Variants in ZNF804B observed in about 807,000 individuals in gnomAD.
The protein encoded by ZNF804B is zinc finger protein 804B.
In ZNF804B, 80 loss-of-function variants were observed where a neutral mutation model predicts 101.4. The observed-to-expected ratio is 0.79, with a 90% confidence interval of 0.66 to 0.95. The LOEUF (loss-of-function observed/expected upper bound fraction) is 0.95. ZNF804B is among the 40% of genes least tolerant of loss of function. The pLI, the probability that ZNF804B is intolerant of heterozygous loss-of-function variation, is 0.00. For synonymous variants in ZNF804B, 622 were observed against 558.8 expected (o/e 1.11, Z -1.59); for missense variants, 1,673 against 1,561.9 (o/e 1.07, Z -1.20).
chr7:89,076,714 A>G (rs1055494862), intron 1 of ZNF804B, among the ~76,000 whole-genome samples: 31 of 152,226 alleles, frequency 2.0e-4, no homozygotes, highest in Admixed American at 1.3e-4. Flanking sequence ...AAAATATTGT[A>G]GCTAGTAGAG....
At chr7:88,921,790 T>C (rs1475358836) in intron 1 of ZNF804B, among the ~76,000 whole-genome samples, 1 of 152,088 alleles carries the variant, frequency 6.6e-6, no homozygotes, top group African/African-American at 2.4e-5. Flanking sequence ...AAAATGTATA[T>C]GTTTAGGAAT....
chr7:89,163,259 G>T (rs1305741656), intron 1 of ZNF804B, among the ~76,000 whole-genome samples: 1 of 152,046 alleles, frequency 6.6e-6, no homozygotes, highest in Non-Finnish European at 1.5e-5. Context: ...TACCTATTGT[G>T]TCCCTATGCC....
At chr7:88,981,217 G>A (rs1325327255) in intron 1 of ZNF804B, among the ~76,000 whole-genome samples, 2 of 152,050 alleles carry the variant, frequency 1.3e-5, no homozygotes, top group African/African-American at 2.4e-5. Flanking sequence ...GTCAGAAGAT[G>A]ATAAATCCTG....
intron 1 of ZNF804B, among the ~76,000 whole-genome samples, chr7:88,845,664 C>G (rs991425556): frequency 3.3e-5 from 5 of 151,982 alleles, no homozygotes; most frequent in African/African-American, 9.7e-5. Context: ...CAGGATCTCA[C>G]TTCCTTTGAG....
chr7:89,142,677 C>G (rs1048426342), intron 1 of ZNF804B, among the ~76,000 whole-genome samples: 1 of 152,014 alleles, frequency 6.6e-6, no homozygotes, highest in African/African-American at 2.4e-5. Context: ...TTCTGGCACC[C>G]ATTCAGTGGA....
At chr7:88,858,070 A>C (rs529498351) in intron 1 of ZNF804B, among the ~76,000 whole-genome samples, 1 of 151,622 alleles carries the variant, frequency 6.6e-6, no homozygotes, top group East Asian at 1.9e-4. Flanking sequence ...TGATCTGCCC[A>C]CCTCAGCCTC....
intron 1 of ZNF804B, among the ~76,000 whole-genome samples, chr7:88,999,290 T>C (rs1788249746): frequency 6.6e-6 from 1 of 152,062 alleles, no homozygotes; most frequent in Admixed American, 6.6e-5. Context: ...TATTAAAATG[T>C]CTTATATCAG....
intron 1 of ZNF804B, among the ~76,000 whole-genome samples, chr7:89,183,779 C>G (rs938965011): frequency 6.6e-6 from 1 of 152,126 alleles, no homozygotes; most frequent in African/African-American, 2.4e-5. Flanking sequence ...TTTATTTATG[C>G]GTCTGTCTGC....
intron 1 of ZNF804B, among the ~76,000 whole-genome samples, chr7:89,012,197 C>T (rs1205558533): frequency 6.6e-6 from 1 of 152,144 alleles, no homozygotes; most frequent in Non-Finnish European, 1.5e-5. Flanking sequence ...ACACCAAGTC[C>T]TAAGACTGCA....
At chr7:89,185,627 G>A (rs1225483794) in intron 1 of ZNF804B, among the ~76,000 whole-genome samples, 1 of 152,106 alleles carries the variant, frequency 6.6e-6, no homozygotes, top group South Asian at 2.1e-4. Flanking sequence ...TTGAAAGGAC[G>A]AGGCAGGTGG....
rs554061243 is a variant in ZNF804B at position 89,229,031 on chromosome 7, C to T, written c.249+10736C>T. Among the ~76,000 whole-genome samples the T allele has an allele frequency of 4.6e-5, 7 of 152,286 alleles. No individual in the cohort carries two copies. In the East Asian group the frequency reaches 1.4e-3, roughly 30 times the overall value. ...GGCCGGCTGCTCCGAGTGTGGGGCC[C>T]GCGGAGCCCACGCCCACCTGGAACT... On this transcript the variant is annotated intron_variant, in intron 2 of 3. Coordinates refer to ENST00000333190, the MANE Select transcript of ZNF804B (RefSeq NM_181646.5).
chr7:89,112,451 GCTCT>G (rs1415501388), intron 1 of ZNF804B, among the ~76,000 whole-genome samples: 10 of 151,984 alleles, frequency 6.6e-5, no homozygotes, highest in African/African-American at 1.7e-4. Context: ...CTATTTCTGG[GCTCT>G]CTATTTTGTT....
At chr7:88,907,704 G>A (rs1301217130) in intron 1 of ZNF804B, among the ~76,000 whole-genome samples, 2 of 151,802 alleles carry the variant, frequency 1.3e-5, no homozygotes, top group Non-Finnish European at 2.9e-5. Context: ...GCTTCATCAT[G>A]TTCTAAGCCA....
rs1351317988 is a variant in ZNF804B, at chr7:89,337,283, G to T, written c.*251G>T. On this transcript the variant is annotated 3_prime_UTR_variant, in exon 4 of 4. Transcript: ENST00000333190. ...TAGAGGGAAGAGGGAAAGAGTTAAAGATTTGTTTTGGATGGGTTCTCGCAT... is the reference window on the plus strand; with the variant it reads ...TAGAGGGAAGAGGGAAAGAGTTAAATATTTGTTTTGGATGGGTTCTCGCAT... Among the ~76,000 whole-genome samples the T allele has an allele frequency of 1.3e-5, 2 of 152,042 alleles. No individual in the cohort carries two copies. The highest frequency in any genetic ancestry group is 1.3e-4 in the Admixed American group (2 of 15,242).
chr7:89,183,296 T>G (rs1788326949), intron 1 of ZNF804B, among the ~76,000 whole-genome samples: 1 of 152,084 alleles, frequency 6.6e-6, no homozygotes, highest in Non-Finnish European at 1.5e-5. Flanking sequence ...AGCCAGATCC[T>G]GGAGAAATTA....
chr7:89,011,410 G>A (rs112645971), intron 1 of ZNF804B, among the ~76,000 whole-genome samples: 4 of 152,168 alleles, frequency 2.6e-5, no homozygotes, highest in Admixed American at 1.3e-4. Context: ...AACAGTACCC[G>A]AAAGTCTTAA....
At chr7:89,258,072 G>GA (rs1432404396) in intron 2 of ZNF804B, among the ~76,000 whole-genome samples, 2 of 150,528 alleles carry the variant, frequency 1.3e-5, no homozygotes, top group African/African-American at 4.9e-5. Flanking sequence ...AACATATTTG[G>GA]AAAAAAATAC....
chr7:88,929,923 C>A (rs1792857996), intron 1 of ZNF804B, among the ~76,000 whole-genome samples: 1 of 151,836 alleles, frequency 6.6e-6, no homozygotes, highest in African/African-American at 2.4e-5. Context: ...AACGACTAAG[C>A]ATTTTTTCTC....
chr7:89,215,322 T>G (rs1291715915), intron 1 of ZNF804B, among the ~76,000 whole-genome samples: 5 of 152,216 alleles, frequency 3.3e-5, no homozygotes, highest in African/African-American at 1.2e-4. Context: ...GAATCATCAA[T>G]ATGATACTTA....
Sources: gnomAD v4.1 joint callset for allele counts (sites outside exome capture counted in the v4.1 genomes callset) on GRCh38, gnomAD v4.1.1 for gene constraint, MANE v1.5 for transcripts, NCBI Gene and HGNC (gene_info 2026-07-23, HGNC 2026-07-21) for gene names.